The following GRM1 variants were observed in gnomAD, a reference collection of about 807,000 sequenced individuals.
GRM1 encodes the protein metabotropic glutamate receptor 1.
In GRM1, 33 loss-of-function variants were observed where a neutral mutation model predicts 90.9. The observed-to-expected ratio is 0.36, with a 90% CI of 0.28 to 0.49. The LOEUF (loss-of-function observed/expected upper bound fraction) is 0.49, where lower values mean the gene tolerates loss of function less well. Ranked by LOEUF, GRM1 falls within the 20% of genes least tolerant of loss-of-function variation. The pLI is 0.99. For synonymous variants in GRM1, 700 were observed against 613.2 expected, an observed-to-expected ratio of 1.14 and a Z score of -2.09; for missense variants, 1,190 against 1,534.3, an observed-to-expected ratio of 0.78 and a Z score of 3.75.
intron 7 of GRM1, among the ~76,000 whole-genome samples, chr6:146,421,063 G>C (rs565940104): frequency 6.6e-6 from 1 of 152,192 alleles, no homozygotes; most frequent in African/African-American, 2.4e-5. Context: ...CAAGCAGAAT[G>C]TCTAAAAACC....
rs1197756405 is a variant in GRM1, at chr6:146,435,997, A to C, written c.*1201A>C. The C allele has an allele frequency of 6.5e-6, 1 of 152,674 alleles. No homozygotes were observed. Among genetic ancestry groups the C allele is most frequent in the Non-Finnish European group, 1.5e-5 (1 of 68,044 alleles). 9.5% of individuals were successfully genotyped at this position (152,674 alleles called of 1,614,324 possible). A position where few individuals can be genotyped will look rare whatever the true frequency, so the allele number is the denominator to read the frequency against. The stretch of plus-strand genomic sequence containing the variant: ...ATCCTATTGTCACTGAAGTCCTTGT[A>C]ACTAGCGAGTGAATGTGTTCCTGTG... On this transcript the variant is annotated 3_prime_UTR_variant, in exon 8 of 8. Transcript: ENST00000282753.
chr6:146,426,585 C>A, intron 7 of GRM1: 4 of 1,612,534 alleles, frequency 2.5e-6, no homozygotes, highest in South Asian at 2.2e-5. Flanking sequence ...TTCTCGCCCA[C>A]CAGCCAATGT....
chr6:146,269,167 A>C (rs1173706431), intron 2 of GRM1, among the ~76,000 whole-genome samples: 1 of 152,208 alleles, frequency 6.6e-6, no homozygotes, highest in Non-Finnish European at 1.5e-5. Flanking sequence ...ACATGAGTAC[A>C]TGTGATGTTA....
At chr6:146,122,915 G>A (rs1385356589) in intron 1 of GRM1, among the ~76,000 whole-genome samples, 3 of 135,976 alleles carry the variant, frequency 2.2e-5, no homozygotes, top group Non-Finnish European at 4.6e-5. Context: ...GGCAATCTCG[G>A]CTCACTGCAA....
intron 1 of GRM1, among the ~76,000 whole-genome samples, chr6:146,043,569 C>T (rs1164166209): frequency 6.6e-6 from 1 of 151,472 alleles, no homozygotes; most frequent in Non-Finnish European, 1.5e-5. Context: ...AAAGAGCTAA[C>T]ATGTTTCATC....
chr6:146,402,167 A>C (rs1244193381), intron 7 of GRM1, among the ~76,000 whole-genome samples: 2 of 152,192 alleles, frequency 1.3e-5, no homozygotes, highest in Non-Finnish European at 2.9e-5. Context: ...GCATTATTAC[A>C]TTCATTTAAT....
intron 2 of GRM1, among the ~76,000 whole-genome samples, chr6:146,210,358 G>A (rs1779649180): frequency 6.6e-6 from 1 of 152,172 alleles, no homozygotes; most frequent in African/African-American, 2.4e-5. Flanking sequence ...TAGAAAATAA[G>A]TGATAAGTGC....
intron 3 of GRM1, among the ~76,000 whole-genome samples, chr6:146,322,574 C>CTTTTATTTTATTTTATTTTATTCTA (rs1784236133): frequency 6.9e-6 from 1 of 144,968 alleles, no homozygotes; most frequent in African/African-American, 2.7e-5. Flanking sequence ...TGCTGCCTTT[C>CTTTTATTTTATTTTATTTTATTCTA]TTTTATTTTA....
intron 2 of GRM1, among the ~76,000 whole-genome samples, chr6:146,214,353 A>G (rs144148879): frequency 6.2e-4 from 95 of 152,330 alleles, no homozygotes; most frequent in African/African-American, 2.2e-3. Flanking sequence ...AATGAATAAG[A>G]TAATTATATA....
intron 2 of GRM1, among the ~76,000 whole-genome samples, chr6:146,296,032 T>C (rs978657516): frequency 3.3e-5 from 5 of 152,214 alleles, no homozygotes; most frequent in African/African-American, 4.8e-5. Flanking sequence ...GCTCCATCCA[T>C]TTTCCCGTAA....
chr6:146,355,971 G>C (rs929490136), intron 4 of GRM1, among the ~76,000 whole-genome samples: 1 of 152,196 alleles, frequency 6.6e-6, no homozygotes, highest in Non-Finnish European at 1.5e-5. Context: ...AGGTACTGCA[G>C]AATAGAATCC....
Position 146,106,836 on chromosome 6 carries a change from G to C in GRM1, c.701-52512G>C, listed in dbSNP as rs750559095. Among the ~76,000 whole-genome samples the C allele has an allele frequency of 2.6e-5, 4 of 152,180 alleles. No individual in the cohort carries two copies. The South Asian group carries it at 8.3e-4, about 32-fold the overall frequency. ...CCACACTGTAGGTGCCTTGAAGGCA[G>C]GTGATGAGGCTGGGTAACTCAGCTA... On this transcript the variant is annotated intron_variant, in intron 1 of 7. Coordinates refer to ENST00000282753, the MANE Select transcript of GRM1 (RefSeq NM_001278064.2).
rs188876626 is a variant in GRM1 at position 146,405,447 on chromosome 6, T to A, written c.2660+5748T>A. On this transcript the variant is annotated intron_variant, in intron 7 of 7. Transcript: ENST00000282753. ...TATTATGGAAACCAAGGAGACCTTG[T>A]ATTAATGCGCTCAGGTTGTCAAAAC... is the stretch of plus-strand genomic sequence containing the variant. Among the ~76,000 whole-genome samples the A allele has an allele frequency of 1.8e-4, 28 of 152,326 alleles. No individual in the cohort carries two copies. The East Asian group carries it at 5.2e-3, about 28-fold the overall frequency.
At chr6:146,062,934 A>G (rs1775724476) in intron 1 of GRM1, among the ~76,000 whole-genome samples, 1 of 152,092 alleles carries the variant, frequency 6.6e-6, no homozygotes, top group African/African-American at 2.4e-5. Flanking sequence ...ATGCCTTTAC[A>G]GAGTTTTTCC....
Position 146,418,089 on chromosome 6 carries a change from T to C in GRM1, c.2661-15783T>C, listed in dbSNP as rs1179382394. Reference sequence around the variant, plus strand: ...ATGAAAAGTACTAACTGTACTCTACTGTGGAGTTCTGAAGTAAGAAAAGCT... The same window carrying C: ...ATGAAAAGTACTAACTGTACTCTACCGTGGAGTTCTGAAGTAAGAAAAGCT... On this transcript the variant is annotated intron_variant, in intron 7 of 7. Transcript: ENST00000282753. 6.6e-5 allele frequency among the ~76,000 whole-genome samples: 10 copies of C among 152,258 alleles called. No individual in the cohort carries two copies. In the East Asian group the frequency reaches 7.7e-4, roughly 12 times the overall value.
chr6:146,401,366 C>A (rs2114592418), intron 7 of GRM1, among the ~76,000 whole-genome samples: 1 of 152,170 alleles, frequency 6.6e-6, no homozygotes, highest in African/African-American at 2.4e-5. Context: ...CCCTCAGGAG[C>A]AAACTCCTGG....
intron 5 of GRM1, among the ~76,000 whole-genome samples, chr6:146,375,119 C>A (rs1776047330): frequency 6.6e-6 from 1 of 151,800 alleles, no homozygotes. Context: ...TTGTTAATTT[C>A]TTTATTGACC....
At chr6:146,117,783 C>A (rs186050496) in intron 1 of GRM1, among the ~76,000 whole-genome samples, 80 of 152,170 alleles carry the variant, frequency 5.3e-4, no homozygotes, top group South Asian at 2.9e-3. Context: ...TACAATAGAG[C>A]TTTAACATAT....
At chr6:146,369,945 A>G (rs375271768) in intron 5 of GRM1, among the ~76,000 whole-genome samples, 3 of 152,060 alleles carry the variant, frequency 2.0e-5, no homozygotes, top group Non-Finnish European at 1.5e-5. Context: ...CTATTACCGT[A>G]TAGCAGTCTA....
Sources: gnomAD v4.1 joint callset for allele counts (sites outside exome capture counted in the v4.1 genomes callset) on GRCh38, gnomAD v4.1.1 for gene constraint, MANE v1.5 for transcripts, NCBI Gene and HGNC (gene_info 2026-07-23, HGNC 2026-07-21) for gene names.